Variants in AIG1 observed in about 807,000 individuals in gnomAD.
The protein encoded by AIG1 is androgen induced 1, also known as androgen-induced gene 1 protein.
A neutral mutation model predicts 31.4 loss-of-function variants in AIG1; 23 were observed. The ratio of observed to expected loss-of-function variants is 0.73; its 90% confidence interval spans 0.53 to 1.04. The LOEUF is 1.04. Ranked by LOEUF, AIG1 falls within the 50% of genes least tolerant of loss-of-function variation. AIG1 has a pLI of 0.00. For missense variants in AIG1, 274 were observed against 295.0 expected (o/e 0.93, Z 0.52); for synonymous variants, 100 against 110.5 (o/e 0.90, Z 0.60).
chr6:143,100,911 C>G (rs1159101328), intron 1 of AIG1, among the ~76,000 whole-genome samples: 1 of 152,112 alleles, frequency 6.6e-6, no homozygotes, highest in African/African-American at 2.4e-5. Flanking sequence ...TCTCAAACTC[C>G]TGACCTCAAG....
At chr6:143,147,208 A>G (rs1784789299) in intron 2 of AIG1, among the ~76,000 whole-genome samples, 1 of 152,228 alleles carries the variant, frequency 6.6e-6, no homozygotes, top group Non-Finnish European at 1.5e-5. Flanking sequence ...AGGAAATTGA[A>G]GGAAGCTATG....
intron 3 of AIG1, among the ~76,000 whole-genome samples, chr6:143,198,119 C>A (rs1380442062): frequency 1.3e-5 from 2 of 152,168 alleles, no homozygotes; most frequent in African/African-American, 4.8e-5. Context: ...GGAAATTAAT[C>A]TTTTCTGGAT....
chr6:143,072,336 T>C (rs559967071), intron 1 of AIG1, among the ~76,000 whole-genome samples: 1 of 152,200 alleles, frequency 6.6e-6, no homozygotes, highest in African/African-American at 2.4e-5. Flanking sequence ...TCTATGGGAG[T>C]TTCTTTTTTT....
chr6:143,266,798 G>T (rs1796189530), intron 3 of AIG1, among the ~76,000 whole-genome samples: 1 of 152,054 alleles, frequency 6.6e-6, no homozygotes, highest in Admixed American at 6.6e-5. Context: ...AAATTAGCTG[G>T]GCATGGTGGA....
At chr6:143,069,310 C>T (rs561098833) in intron 1 of AIG1, among the ~76,000 whole-genome samples, 6 of 152,256 alleles carry the variant, frequency 3.9e-5, no homozygotes, top group African/African-American at 1.4e-4. Context: ...AGCCACCGCG[C>T]GCGGCCAATT....
At chr6:143,289,194 A>C (rs945420297) in intron 4 of AIG1, among the ~76,000 whole-genome samples, 2 of 152,146 alleles carry the variant, frequency 1.3e-5, no homozygotes, top group Admixed American at 6.5e-5. Flanking sequence ...TCCCCCACAA[A>C]AGATGGCTCT....
chr6:143,107,579 A>G (rs1780916990), intron 1 of AIG1, among the ~76,000 whole-genome samples: 1 of 152,198 alleles, frequency 6.6e-6, no homozygotes, highest in African/African-American at 2.4e-5. Flanking sequence ...AACTGGCTAT[A>G]TCTGGAAACC....
rs1440528493 is a variant in AIG1, at chr6:143,118,458, A to T, written c.142-18377A>T. Among the ~76,000 whole-genome samples the T allele has an allele frequency of 3.5e-5, 3 of 84,922 alleles. No individual in the cohort carries two copies. The East Asian group carries it at 2.5e-3, about 70-fold the overall frequency. 55.7% of individuals were successfully genotyped at this position (84,922 alleles called of 152,430 possible). ...TGGCAACAGAGCGAGACTCCGTCTC[A>T]AAAAAAAAAAAAAAATCACTAAAAT... On this transcript the variant is annotated intron_variant, in intron 1 of 5. Coordinates refer to ENST00000357847, the MANE Select transcript of AIG1 (RefSeq NM_016108.4).
chr6:143,261,193 G>C (rs185782409), intron 3 of AIG1, among the ~76,000 whole-genome samples: 1 of 152,042 alleles, frequency 6.6e-6, no homozygotes, highest in Non-Finnish European at 1.5e-5. Context: ...GTGCAGCGGC[G>C]CGATCTCAGC....
chr6:143,308,662 A>C (rs1320573902), intron 4 of AIG1, among the ~76,000 whole-genome samples: 1 of 152,210 alleles, frequency 6.6e-6, no homozygotes, highest in Non-Finnish European at 1.5e-5. Flanking sequence ...CAGACTTAAC[A>C]TTGTTCTGGT....
chr6:143,212,976 A>C (rs1416284935), intron 3 of AIG1, among the ~76,000 whole-genome samples: 1 of 152,210 alleles, frequency 6.6e-6, no homozygotes. Context: ...GGAGAAAAAA[A>C]TGGAACCACA....
At chr6:143,323,575 T>C (rs1217147498) in intron 4 of AIG1, among the ~76,000 whole-genome samples, 1 of 152,182 alleles carries the variant, frequency 6.6e-6, no homozygotes, top group Non-Finnish European at 1.5e-5. Flanking sequence ...CTATTTGAAA[T>C]TGATGCATTA....
chr6:143,260,664 CTGGTTTA>C, intron 3 of AIG1, among the ~76,000 whole-genome samples: 1 of 152,312 alleles, frequency 6.6e-6, no homozygotes, highest in Admixed American at 6.5e-5. Context: ...CATACATTGC[CTGGTTTA>C]CTTCAGCACC....
At chr6:143,086,830 G>T (rs960483346) in intron 1 of AIG1, among the ~76,000 whole-genome samples, 1 of 152,180 alleles carries the variant, frequency 6.6e-6, no homozygotes, top group Non-Finnish European at 1.5e-5. Flanking sequence ...AGGAAAGATG[G>T]GGCGCACGCA....
chr6:143,189,899 A>G, intron 3 of AIG1: 12 of 861,228 alleles, frequency 1.4e-5, no homozygotes, highest in Non-Finnish European at 1.7e-5. Flanking sequence ...TATTTATCAT[A>G]GTTCTAGAGC....
chr6:143,160,598 A>G (rs912866160), intron 2 of AIG1, among the ~76,000 whole-genome samples: 3 of 152,216 alleles, frequency 2.0e-5, no homozygotes, highest in Admixed American at 6.5e-5. Context: ...GCTCCTGGCC[A>G]GAGAAGGTGC....
chr6:143,112,698 G>C (rs570304389), intron 1 of AIG1, among the ~76,000 whole-genome samples: 1 of 152,298 alleles, frequency 6.6e-6, no homozygotes, highest in South Asian at 2.1e-4. Flanking sequence ...GATTGTTTGA[G>C]AAATATGGAC....
rs1489694919 is a variant in AIG1 at position 143,284,438 on chromosome 6, A to G, written c.515+213A>G. ...CAACAGGAATTTGTTGAACAATCCC[A>G]TGTAAGCAGTGGTTCTTCCAAGGCT... On this transcript the variant is annotated intron_variant, in intron 4 of 5. Coordinates refer to ENST00000357847, the MANE Select transcript of AIG1 (RefSeq NM_016108.4). This position sits in a 1 kb window ranked among gnomAD's most constrained non-coding sequence, Gnocchi z 4.4. Among the ~76,000 whole-genome samples the G allele has an allele frequency of 2.0e-5, 3 of 152,212 alleles. No homozygotes were observed. Among genetic ancestry groups the G allele is most frequent in the African/African-American group, 7.2e-5 (3 of 41,458 alleles).
intron 4 of AIG1, among the ~76,000 whole-genome samples, chr6:143,309,072 TTATAA>T (rs1775050054): frequency 6.6e-6 from 1 of 152,008 alleles, no homozygotes; most frequent in Non-Finnish European, 1.5e-5. Flanking sequence ...AGGATAAGAA[TTATAA>T]TATACTTCTC....
Sources: gnomAD v4.1 joint callset for allele counts (sites outside exome capture counted in the v4.1 genomes callset) on GRCh38, gnomAD v4.1.1 for gene constraint, Gnocchi (gnomAD v3.1) non-coding constraint, MANE v1.5 for transcripts, NCBI Gene and HGNC (gene_info 2026-07-23, HGNC 2026-07-21) for gene names.